SIL1: variants seen among roughly 807,000 people sequenced by gnomAD.
SIL1 encodes nucleotide exchange factor SIL1.
Under a neutral mutation model 49.1 loss-of-function variants are expected in SIL1, and 40 were observed. That is an observed-to-expected ratio of 0.81 (90% confidence interval 0.63 to 1.06). The LOEUF is 1.06. Among genes scored for constraint, SIL1 ranks in the 50% least tolerant of loss-of-function variants. SIL1 has a pLI of 0.00. For synonymous variants in SIL1, 253 were observed against 250.8 expected (o/e 1.01, Z -0.08); for missense variants, 500 against 572.6 (o/e 0.87, Z 1.29).
At chr5:139,187,864 TA>T (rs1329407876) in intron 1 of SIL1, 1 of 152,202 alleles carries the variant, frequency 6.6e-6, no homozygotes, top group Admixed American at 6.5e-5. Flanking sequence ...GACTAAGTCA[TA>T]GGGGCGGATT....
rs6882385 is a variant in SIL1, at chr5:139,101,074, T to C, written c.244+19961A>G. ...GGCACTGAGAAAAATCAAGACTTTCTTACCTTCCCTTTAATCAGATACAAA... is the reference window on the plus strand; with the variant it reads ...GGCACTGAGAAAAATCAAGACTTTCCTACCTTCCCTTTAATCAGATACAAA... On this transcript the variant is annotated intron_variant, in intron 3 of 9. Coordinates refer to ENST00000394817, the MANE Select transcript of SIL1 (RefSeq NM_022464.5). Among the ~76,000 whole-genome samples, 472 of 152,254 alleles carry C rather than the reference T, an allele frequency of 3.1e-3. 1 individual carries two copies. The highest frequency in any genetic ancestry group is 0.011 in the African/African-American group (439 of 41,546).
chr5:139,127,633 A>G, intron 2 of SIL1, 106 bp downstream of exon 2: 1 of 883,376 alleles, frequency 1.1e-6, no homozygotes, highest in Non-Finnish European at 1.8e-6. Flanking sequence ...TCACATAAGA[A>G]AGAAACATAG....
In SIL1 at chr5:138,947,694, C is replaced by T. The variant is rs1006707613; in HGVS notation, c.1030-221G>A. Among the ~76,000 whole-genome samples, 2 of 152,178 alleles carry T rather than the reference C, an allele frequency of 1.3e-5. No homozygotes were observed. Among genetic ancestry groups the T allele is most frequent in the South Asian group, 2.1e-4 (1 of 4,822 alleles). ...GTGGTGCCAGGTGCTGAAGAAACCACGATGGAGACATAGTCTTACCCTCAA... is the reference window on the plus strand; with the variant it reads ...GTGGTGCCAGGTGCTGAAGAAACCATGATGGAGACATAGTCTTACCCTCAA... On this transcript the variant is annotated intron_variant, in intron 9 of 9. Transcript: ENST00000394817. This position sits in a 1 kb window ranked among gnomAD's most constrained non-coding sequence, Gnocchi z 4.1.
chr5:139,123,763 G>C (rs910434032), intron 2 of SIL1, among the ~76,000 whole-genome samples: 5 of 152,192 alleles, frequency 3.3e-5, no homozygotes, highest in African/African-American at 1.2e-4. Context: ...CCTTGACTAA[G>C]GGAAGCAGCT....
intron 6 of SIL1, among the ~76,000 whole-genome samples, chr5:139,026,586 G>T (rs775893388): frequency 1.3e-5 from 2 of 152,154 alleles, no homozygotes; most frequent in Non-Finnish European, 2.9e-5. Flanking sequence ...CTGGGTGACC[G>T]AGTGAGACTC....
At chr5:138,969,691 G>A (rs189276196) in intron 7 of SIL1, among the ~76,000 whole-genome samples, 10 of 152,320 alleles carry the variant, frequency 6.6e-5, no homozygotes, top group African/African-American at 1.9e-4. Context: ...TACCATATAC[G>A]ATCAGAAAGA....
At chr5:138,972,967 G>A (rs1478621161) in intron 7 of SIL1, among the ~76,000 whole-genome samples, 2 of 152,106 alleles carry the variant, frequency 1.3e-5, no homozygotes, top group Admixed American at 1.3e-4. Flanking sequence ...CCCCAGTGAT[G>A]GGGGTAGAGA....
chr5:139,177,092 C>A (rs1341869414), intron 1 of SIL1, among the ~76,000 whole-genome samples: 1 of 151,930 alleles, frequency 6.6e-6, no homozygotes, highest in Non-Finnish European at 1.5e-5. Flanking sequence ...GCCACCACAG[C>A]CGGCTAATTT....
chr5:139,144,700 G>A (rs768768966), intron 1 of SIL1, among the ~76,000 whole-genome samples: 43 of 151,994 alleles, frequency 2.8e-4, no homozygotes, highest in Non-Finnish European at 4.9e-4. Flanking sequence ...GCAAAACCCC[G>A]TCTCTACTAA....
intron 7 of SIL1, among the ~76,000 whole-genome samples, chr5:138,953,919 G>C (rs937753542): frequency 6.6e-6 from 1 of 152,190 alleles, no homozygotes; most frequent in African/African-American, 2.4e-5. Context: ...ATCCCTCATG[G>C]GCCCTCAGAG....
chr5:139,112,858 G>C (rs1447347113), intron 3 of SIL1, among the ~76,000 whole-genome samples: 1 of 152,140 alleles, frequency 6.6e-6, no homozygotes. Context: ...GAACAGAAAA[G>C]GGGGAAATGT....
At chr5:139,125,756 G>T (rs1030700485) in intron 2 of SIL1, among the ~76,000 whole-genome samples, 1 of 152,060 alleles carries the variant, frequency 6.6e-6, no homozygotes, top group African/African-American at 2.4e-5. Flanking sequence ...TCTTACGAAG[G>T]GCCTGTGCGC....
chr5:139,087,006 T>A (rs1422733064), intron 3 of SIL1, among the ~76,000 whole-genome samples: 1 of 151,708 alleles, frequency 6.6e-6, no homozygotes, highest in Admixed American at 6.6e-5. Context: ...TTTAAAAAAA[T>A]TATATAAATA....
chr5:139,033,709 A>G (rs1768843033), intron 5 of SIL1, among the ~76,000 whole-genome samples: 1 of 151,998 alleles, frequency 6.6e-6, no homozygotes, highest in African/African-American at 2.4e-5. Flanking sequence ...GTTCTTTTAA[A>G]ACTGTTGAGA....
intron 1 of SIL1, among the ~76,000 whole-genome samples, chr5:139,197,562 C>A (rs960608297): frequency 3.9e-5 from 6 of 152,190 alleles, no homozygotes; most frequent in Non-Finnish European, 8.8e-5. Context: ...AAAGCCCCAG[C>A]CTCACACGTG....
intron 7 of SIL1, among the ~76,000 whole-genome samples, chr5:138,969,304 C>G (rs1767221959): frequency 6.6e-6 from 1 of 152,158 alleles, no homozygotes; most frequent in Non-Finnish European, 1.5e-5. Context: ...ACAGATATGT[C>G]CCCAGGTGGC....
chr5:138,978,735 C>T (rs1767445901), intron 7 of SIL1, among the ~76,000 whole-genome samples: 1 of 152,200 alleles, frequency 6.6e-6, no homozygotes, highest in Non-Finnish European at 1.5e-5. Flanking sequence ...AGTGTTCTCT[C>T]ATTGTGGTTG....
intron 1 of SIL1, among the ~76,000 whole-genome samples, chr5:139,132,043 G>GTA (rs1280863677): frequency 2.0e-5 from 3 of 152,092 alleles, no homozygotes; most frequent in Non-Finnish European, 2.9e-5. Context: ...ATACTCATGT[G>GTA]TATACACACA....
At chr5:138,972,241 C>T in intron 7 of SIL1, among the ~76,000 whole-genome samples, 1 of 152,210 alleles carries the variant, frequency 6.6e-6, no homozygotes, top group South Asian at 2.1e-4. Flanking sequence ...TGGTGCTAGC[C>T]AACATCTGGT....
Sources: gnomAD v4.1 joint callset for allele counts (sites outside exome capture counted in the v4.1 genomes callset) on GRCh38, gnomAD v4.1.1 for gene constraint, Gnocchi (gnomAD v3.1) non-coding constraint, MANE v1.5 for transcripts, NCBI Gene and HGNC (gene_info 2026-07-23, HGNC 2026-07-21) for gene names.